GRIP1: variants seen among roughly 807,000 people sequenced by gnomAD.
The protein encoded by GRIP1 is glutamate receptor interacting protein 1.
GRIP1 carries 45 observed loss-of-function variants against 129.9 expected under a neutral mutation model. The observed-to-expected ratio is 0.35, with a 90% CI of 0.27 to 0.44. The LOEUF is 0.44. Among genes scored for constraint, GRIP1 ranks in the 20% least tolerant of loss-of-function variants. The pLI is 1.00. For synonymous variants in GRIP1, 530 were observed against 520.8 expected (o/e 1.02, Z -0.24); for missense variants, 1,196 against 1,396.8 (o/e 0.86, Z 2.29).
intron 16 of GRIP1, among the ~76,000 whole-genome samples, chr12:66,401,609 T>TATATATATACACACACACACAC (rs1169241331): frequency 9.1e-6 from 1 of 110,176 alleles, no homozygotes; most frequent in African/African-American, 3.7e-5. Context: ...TATATATATA[T>TATATATATACACACACACACAC]ACACACACAC....
intron 2 of GRIP1, among the ~76,000 whole-genome samples, chr12:66,578,885 T>C (rs1026886345): frequency 6.6e-6 from 1 of 152,198 alleles, no homozygotes; most frequent in African/African-American, 2.4e-5. Flanking sequence ...TCTCCCTGTC[T>C]GACAGCTTTG....
At chr12:66,912,134 G>A (rs377146011) in intron 1 of GRIP1, among the ~76,000 whole-genome samples, 18 of 151,994 alleles carry the variant, frequency 1.2e-4, no homozygotes, top group African/African-American at 4.1e-4. Context: ...CAAAATGTTG[G>A]CATACTTAAT....
At chr12:67,018,685 T>A (rs910375856) in intron 1 of GRIP1, among the ~76,000 whole-genome samples, 8 of 152,140 alleles carry the variant, frequency 5.3e-5, no homozygotes, top group African/African-American at 1.9e-4. Context: ...TCTTGGATGG[T>A]CTCTGGTGGG....
chr12:66,890,532 AACTT>A (rs1484395175), intron 1 of GRIP1, among the ~76,000 whole-genome samples: 1 of 152,250 alleles, frequency 6.6e-6, no homozygotes, highest in Non-Finnish European at 1.5e-5. Context: ...GCTGTTAAAG[AACTT>A]ACTTGTTAGT....
chr12:66,419,576 C>G lies in GRIP1; in HGVS notation c.1838+1144G>C, dbSNP rs11176175. ...TCTTGTATCCCATAAGTATATATAC[C>G]AACTATATACCCACAAAAATTAAAA... On this transcript the variant is annotated intron_variant, in intron 15 of 24. Coordinates refer to ENST00000359742, the MANE Select transcript of GRIP1 (RefSeq NM_001366722.1). 7.2e-5 allele frequency among the ~76,000 whole-genome samples: 11 copies of G among 152,084 alleles called. No individual in the cohort carries two copies. In the East Asian group the frequency reaches 2.1e-3, roughly 29 times the overall value.
At chr12:66,838,101 G>A (rs569386732) in intron 1 of GRIP1, among the ~76,000 whole-genome samples, 53 of 151,130 alleles carry the variant, frequency 3.5e-4, no homozygotes, top group African/African-American at 1.1e-3. Context: ...CAGGAGAATC[G>A]CTTGAACCCG....
At chr12:66,501,962 T>C (rs2060405017) in intron 7 of GRIP1, among the ~76,000 whole-genome samples, 1 of 152,214 alleles carries the variant, frequency 6.6e-6, no homozygotes, top group Non-Finnish European at 1.5e-5. Context: ...CTGGGTTTGA[T>C]GTGATTAACA....
chr12:66,506,324 T>C (rs2060524914), intron 7 of GRIP1, among the ~76,000 whole-genome samples: 1 of 152,202 alleles, frequency 6.6e-6, no homozygotes, highest in Non-Finnish European at 1.5e-5. Flanking sequence ...CAAATTGTGA[T>C]CTATTCACAC....
intron 1 of GRIP1, among the ~76,000 whole-genome samples, chr12:66,965,930 T>G (rs57149320): frequency 0.026 from 3,987 of 152,236 alleles, 174 homozygotes; most frequent in African/African-American, 0.09. Context: ...TAATGCCTTC[T>G]CCATACTGAC....
chr12:67,060,837 A>C (rs922868068), intron 1 of GRIP1, among the ~76,000 whole-genome samples: 1 of 151,398 alleles, frequency 6.6e-6, no homozygotes, highest in Non-Finnish European at 1.5e-5. Flanking sequence ...AAAAAAAAAA[A>C]AAAAAAAATG....
At chr12:66,759,109 G>A (rs374118199) in intron 1 of GRIP1, among the ~76,000 whole-genome samples, 18 of 152,162 alleles carry the variant, frequency 1.2e-4, no homozygotes, top group Admixed American at 8.5e-4. Flanking sequence ...TGAAGGCTCC[G>A]CCCCTGCAGC....
intron 1 of GRIP1, among the ~76,000 whole-genome samples, chr12:66,654,724 AGTT>A (rs972486378): frequency 3.9e-5 from 6 of 152,210 alleles, no homozygotes; most frequent in African/African-American, 1.4e-4. Flanking sequence ...AGGTGATGAG[AGTT>A]GTTAAGATAT....
At chr12:66,376,893 C>T (rs1457842667) in intron 22 of GRIP1, 124 bp downstream of exon 22, 2 of 795,308 alleles carry the variant, frequency 2.5e-6, no homozygotes, top group Non-Finnish European at 4.6e-6. Flanking sequence ...AGTCAGTAAG[C>T]TTGAGGGGTG....
chr12:66,975,104 G>A (rs922878346), intron 1 of GRIP1, among the ~76,000 whole-genome samples: 1 of 152,034 alleles, frequency 6.6e-6, no homozygotes, highest in Admixed American at 6.6e-5. Context: ...CCAGGGATAG[G>A]TATTGATAGC....
chr12:66,953,084 A>G (rs968969513), intron 1 of GRIP1, among the ~76,000 whole-genome samples: 2 of 152,240 alleles, frequency 1.3e-5, no homozygotes, highest in Non-Finnish European at 2.9e-5. Context: ...TGTACCATAT[A>G]TACAAAGAAA....
Position 66,517,762 on chromosome 12 carries a change from A to T in GRIP1, c.578+139T>A, listed in dbSNP as rs1266332463. 11 of 686,850 alleles carry T rather than the reference A, an allele frequency of 1.6e-5. No individual in the cohort carries two copies. In the South Asian group the frequency reaches 1.7e-4, roughly 11 times the overall value. 42.5% of individuals were successfully genotyped at this position (686,850 alleles called of 1,614,324 possible). On this transcript the variant is annotated intron_variant, in intron 6 of 24. Transcript: ENST00000359742. The stretch of plus-strand genomic sequence containing the variant: ...TTTTTTTTCTGATTCCATAGTTCAG[A>T]CTCTCAATTTTCACATTGTAACATG...
At chr12:66,560,028 A>G (rs1432776664) in intron 2 of GRIP1, among the ~76,000 whole-genome samples, 2 of 152,152 alleles carry the variant, frequency 1.3e-5, no homozygotes, top group East Asian at 3.8e-4. Flanking sequence ...ACCTACAGAG[A>G]ACTCATTTTC....
chr12:66,533,879 A>T (rs1327834818), intron 4 of GRIP1, among the ~76,000 whole-genome samples: 179 of 131,198 alleles, frequency 1.4e-3, no homozygotes, highest in East Asian at 8.4e-3. Flanking sequence ...ACACACACAC[A>T]TACACACACT....
intron 1 of GRIP1, among the ~76,000 whole-genome samples, chr12:66,618,991 A>G (rs2065156988): frequency 6.6e-6 from 1 of 152,144 alleles, no homozygotes; most frequent in African/African-American, 2.4e-5. Context: ...GTTCAGGCAG[A>G]TATGAACCGA....
Sources: gnomAD v4.1 joint callset for allele counts (sites outside exome capture counted in the v4.1 genomes callset) on GRCh38, gnomAD v4.1.1 for gene constraint, MANE v1.5 for transcripts, NCBI Gene and HGNC (gene_info 2026-07-23, HGNC 2026-07-21) for gene names.